Variants in CACUL1 observed in about 807,000 individuals in gnomAD.
CACUL1 encodes the protein CDK2 associated cullin domain 1, also known as CDK2-associated and cullin domain-containing protein 1.
A neutral mutation model predicts 45.2 loss-of-function variants in CACUL1; 13 were observed. That is an observed-to-expected ratio of 0.29 (90% CI 0.19 to 0.46). The LOEUF (loss-of-function observed/expected upper bound fraction) is 0.46. CACUL1 is among the 20% of genes least tolerant of loss of function. The probability of loss-of-function intolerance (pLI) is 1.00; values close to 1 mark genes in which losing one functional copy is unlikely to be tolerated. For missense variants in CACUL1, 421 were observed against 471.4 expected (o/e 0.89, Z 0.99); for synonymous variants, 197 against 174.2 (o/e 1.13, Z -1.03).
At chr10:118,725,074 T>G (rs184845168) in intron 3 of CACUL1, among the ~76,000 whole-genome samples, 10 of 152,368 alleles carry the variant, frequency 6.6e-5, no homozygotes, top group African/African-American at 1.9e-4. Context: ...GTCATCTATT[T>G]CCATTCACTG....
chr10:118,730,931 TACA>T (rs905562117), intron 1 of CACUL1, among the ~76,000 whole-genome samples: 3 of 152,170 alleles, frequency 2.0e-5, no homozygotes, highest in African/African-American at 4.8e-5. Context: ...TGCCGAGATT[TACA>T]ACAACACCAG....
Position 118,685,835 on chromosome 10 carries a change from TTCACTTAGAAATGG to T in CACUL1, c.*279_*292del, listed in dbSNP as rs1845198899. On this transcript the variant is annotated 3_prime_UTR_variant, in exon 9 of 9. Coordinates refer to ENST00000369151, the MANE Select transcript of CACUL1 (RefSeq NM_153810.5). ...AAGCTGCTGATTTTGGCTGTCAGAT[TTCACTTAGAAATGG>T]TCACTTTCTGAGATGCTTTTTCCTC... The T allele has an allele frequency of 3.9e-6, 1 of 254,488 alleles. No homozygotes were observed. The highest frequency in any genetic ancestry group is 7.2e-5 in the East Asian group (1 of 13,932). The allele number at this position is 254,488 out of a possible 1,614,324, so 15.8% of individuals were successfully genotyped here.
intron 4 of CACUL1, among the ~76,000 whole-genome samples, chr10:118,706,768 T>C (rs1390764048): frequency 2.0e-5 from 3 of 152,208 alleles, no homozygotes; most frequent in Admixed American, 6.5e-5. Flanking sequence ...ACATGGTCTT[T>C]TGGAAAGTGC....
rs537543791 is a variant in CACUL1 at position 118,742,594 on chromosome 10, A to G, written c.367+11802T>C. On this transcript the variant is annotated intron_variant, in intron 1 of 8. Transcript: ENST00000369151. ...CTGTAATCCCAGCAGAAATGGGGCC[A>G]GTTTGGTGGAGTATGATCAATCTGA... Among the ~76,000 whole-genome samples the G allele has an allele frequency of 5.9e-5, 9 of 152,296 alleles. No individual in the cohort carries two copies. The East Asian group carries it at 1.4e-3, about 23-fold the overall frequency.
At chr10:118,749,412 T>C (rs1251117201) in intron 1 of CACUL1, among the ~76,000 whole-genome samples, 3 of 152,194 alleles carry the variant, frequency 2.0e-5, no homozygotes, top group Non-Finnish European at 2.9e-5. Flanking sequence ...ACAAAGGCAA[T>C]ATACTGGGGT....
chr10:118,748,510 C>G (rs1004751961), intron 1 of CACUL1, among the ~76,000 whole-genome samples: 1 of 152,172 alleles, frequency 6.6e-6, no homozygotes, highest in Admixed American at 6.5e-5. Flanking sequence ...TCCTTCATCT[C>G]TCACTCAGGA....
intron 4 of CACUL1, among the ~76,000 whole-genome samples, chr10:118,704,476 AC>A (rs1845414844): frequency 6.6e-6 from 1 of 152,168 alleles, no homozygotes; most frequent in African/African-American, 2.4e-5. Flanking sequence ...GTGAAAGCCC[AC>A]CTCCAGGCCC....
chr10:118,733,653 G>A (rs1047381552), intron 1 of CACUL1, among the ~76,000 whole-genome samples: 1 of 152,192 alleles, frequency 6.6e-6, no homozygotes, highest in African/African-American at 2.4e-5. Flanking sequence ...TTAAAAACTA[G>A]ATCCTCTTGT....
chr10:118,708,669 T>C (rs183961937), intron 3 of CACUL1, among the ~76,000 whole-genome samples: 2 of 152,258 alleles, frequency 1.3e-5, no homozygotes, highest in East Asian at 3.9e-4. Flanking sequence ...GTCACAATGG[T>C]AGAGCTGTGA....
intron 6 of CACUL1, among the ~76,000 whole-genome samples, chr10:118,692,055 G>A (rs1046142000): frequency 1.3e-5 from 2 of 151,880 alleles, no homozygotes; most frequent in African/African-American, 4.8e-5. Flanking sequence ...AGGGGACTTG[G>A]TGTAAATATC....
intron 3 of CACUL1, chr10:118,726,183 G>C (rs1412381334): frequency 2.1e-6 from 1 of 475,328 alleles, no homozygotes; most frequent in African/African-American, 2.0e-5. Context: ...ACCGTCTCTT[G>C]ATCTGTCCCC....
Position 118,754,559 on chromosome 10 carries a change from T to C in CACUL1, c.204A>G (p.Lys68=), listed in dbSNP as rs780940180. The change falls in exon 1 of 9, where the codon AAA becomes AAG. Residue 68 remains lysine (K), a synonymous_variant. Transcript: ENST00000369151. ...CCATCGGGAGCCCCTCCTTGGGGCC[T>C]TTCCTGTCCACGGAGACCGCGGGCA... ...LAVPAVSVDR[K]GPKEGLPMGP... 3.0e-5 allele frequency: 48 copies of C among 1,611,716 alleles called. No homozygotes were observed. Among genetic ancestry groups the C allele is most frequent in the Non-Finnish European group, 3.6e-5 (42 of 1,179,202 alleles).
rs182750202 is a variant in CACUL1 at position 118,698,483 on chromosome 10, T to C, written c.796+2823A>G. On this transcript the variant is annotated intron_variant, in intron 5 of 8. Coordinates refer to ENST00000369151, the MANE Select transcript of CACUL1 (RefSeq NM_153810.5). ...CAAGAGGTGGGATACATTCCTCTCCTGGAATTTGGGCTCTGTGACCCTCGC... is the reference window on the plus strand; with the variant it reads ...CAAGAGGTGGGATACATTCCTCTCCCGGAATTTGGGCTCTGTGACCCTCGC... 3.9e-3 allele frequency among the ~76,000 whole-genome samples: 596 copies of C among 152,250 alleles called. 5 individuals carry two copies. The highest frequency in any genetic ancestry group is 0.012 in the African/African-American group (494 of 41,534).
chr10:118,707,887 C>A (rs774687198), intron 3 of CACUL1, among the ~76,000 whole-genome samples: 9 of 152,128 alleles, frequency 5.9e-5, no homozygotes, highest in Non-Finnish European at 8.8e-5. Context: ...GTGGCTCACA[C>A]CTGTAATCCC....
At chr10:118,698,844 C>T (rs1163668399) in intron 5 of CACUL1, among the ~76,000 whole-genome samples, 7 of 152,160 alleles carry the variant, frequency 4.6e-5, no homozygotes, top group Admixed American at 4.6e-4. Context: ...ACTAGTTTTC[C>T]AGATCTATCT....
At chr10:118,739,217 TA>T (rs1351928495) in intron 1 of CACUL1, among the ~76,000 whole-genome samples, 1 of 150,690 alleles carries the variant, frequency 6.6e-6, no homozygotes, top group African/African-American at 2.4e-5. Context: ...AGGTCAGTGT[TA>T]AAAATACAAC....
chr10:118,704,298 ACTT>A (rs1331921013), intron 4 of CACUL1, among the ~76,000 whole-genome samples: 1 of 151,966 alleles, frequency 6.6e-6, no homozygotes, highest in African/African-American at 2.4e-5. Context: ...TTTCTACTAA[ACTT>A]CTACATTTAC....
intron 1 of CACUL1, among the ~76,000 whole-genome samples, chr10:118,738,423 C>T (rs1261124654): frequency 6.6e-6 from 1 of 152,138 alleles, no homozygotes; most frequent in African/African-American, 2.4e-5. Context: ...CCACTCCTTT[C>T]ATTCCAGAAT....
In CACUL1 at chr10:118,691,491, A is replaced by G; in HGVS notation, c.887-88T>C. 3 of 1,227,954 alleles carry G rather than the reference A, an allele frequency of 2.4e-6. No individual in the cohort carries two copies. The South Asian group carries it at 3.9e-5, about 16-fold the overall frequency. The allele number at this position is 1,227,954 out of a possible 1,614,324, so 76.1% of individuals were successfully genotyped here. The stretch of plus-strand genomic sequence containing the variant: ...GGGAAAGTTTTCTTTTAAAATATAT[A>G]GTAAGCCAAATTTAAGCAGGGGAAA... On this transcript the variant is annotated intron_variant, in intron 6 of 8. Transcript: ENST00000369151.
Sources: allele counts gnomAD v4.1 joint callset (sites outside exome capture counted in the v4.1 genomes callset), GRCh38; gene constraint gnomAD v4.1.1; transcripts MANE v1.5; gene names NCBI Gene and HGNC (gene_info 2026-07-23, HGNC 2026-07-21).